LIMCH1: variants seen among roughly 807,000 people sequenced by gnomAD.
LIMCH1 encodes LIM and calponin homology domains-containing protein 1.
In LIMCH1, 113 loss-of-function variants were observed where a neutral mutation model predicts 176.5. That is an observed-to-expected ratio of 0.64 (90% CI 0.55 to 0.75). LIMCH1 has a LOEUF of 0.75. Among genes scored for constraint, LIMCH1 ranks in the 30% least tolerant of loss-of-function variants. The pLI is 0.00. For synonymous variants in LIMCH1, 619 were observed against 645.9 expected (o/e 0.96, Z 0.63); for missense variants, 1,674 against 1,814.9 (o/e 0.92, Z 1.41).
intron 1 of LIMCH1, among the ~76,000 whole-genome samples, chr4:41,565,380 C>CAT (rs1561769801): frequency 1.4e-5 from 2 of 141,542 alleles, no homozygotes; most frequent in African/African-American, 6.0e-5. Flanking sequence ...CACACACACA[C>CAT]ACATACACAC....
chr4:41,623,858 A>G (rs1438951114), intron 7 of LIMCH1, among the ~76,000 whole-genome samples: 1 of 152,254 alleles, frequency 6.6e-6, no homozygotes, highest in African/African-American at 2.4e-5. Context: ...GTCAAACAAT[A>G]TATTAGCGGT....
chr4:41,427,231 C>G (rs538281228), intron 1 of LIMCH1, among the ~76,000 whole-genome samples: 1 of 152,248 alleles, frequency 6.6e-6, no homozygotes, highest in Non-Finnish European at 1.5e-5. Flanking sequence ...CCCACCCCTT[C>G]CCTCTCTCCA....
At chr4:41,625,305 CAA>C (rs2092872949) in intron 7 of LIMCH1, among the ~76,000 whole-genome samples, 1 of 151,898 alleles carries the variant, frequency 6.6e-6, no homozygotes, top group Admixed American at 6.6e-5. Context: ...AAAACAGACC[CAA>C]GTTTCACAAA....
chr4:41,424,665 G>A lies in LIMCH1; in HGVS notation c.96+63729G>A, dbSNP rs1282988535. On this transcript the variant is annotated intron_variant, in intron 1 of 26. Transcript: ENST00000313860. ...GCAGCTGCAAGTCAGTTCAGGTCAG[G>A]TTTTGTCACTAATTGAGTTTTCACC... Among the ~76,000 whole-genome samples the A allele has an allele frequency of 2.6e-5, 4 of 152,200 alleles. No homozygotes were observed. In the East Asian group the frequency reaches 7.7e-4, roughly 29 times the overall value.
chr4:41,406,757 A>G (rs1411123528), intron 1 of LIMCH1, among the ~76,000 whole-genome samples: 2 of 152,208 alleles, frequency 1.3e-5, no homozygotes, highest in African/African-American at 4.8e-5. Context: ...TGCCTGGGTA[A>G]TCAGACCTTC....
intron 31 of LIMCH1, among the ~76,000 whole-genome samples, chr4:41,694,541 T>TGATAAAACCAATGATAAAAA (rs1728940213): frequency 6.6e-6 from 1 of 152,206 alleles, no homozygotes; most frequent in Admixed American, 6.5e-5. Context: ...TAATGATATA[T>TGATAAAACCAATGATAAAAA]CTTGGTAACT....
intron 18 of LIMCH1, among the ~76,000 whole-genome samples, chr4:41,657,742 A>T (rs1300947664): frequency 6.6e-6 from 1 of 152,122 alleles, no homozygotes; most frequent in Non-Finnish European, 1.5e-5. Context: ...TAAGTGCATA[A>T]TATTTATTTA....
At chr4:41,602,782 G>A (rs867311353) in intron 2 of LIMCH1, among the ~76,000 whole-genome samples, 5 of 151,830 alleles carry the variant, frequency 3.3e-5, no homozygotes, top group Middle Eastern at 3.2e-3. Context: ...CACTCCAGCC[G>A]GGCGACAGAG....
chr4:41,464,592 T>C (rs2065849663), intron 1 of LIMCH1, among the ~76,000 whole-genome samples: 1 of 151,932 alleles, frequency 6.6e-6, no homozygotes, highest in African/African-American at 2.4e-5. Flanking sequence ...GTTGGGCTGG[T>C]CTCAAACTCC....
chr4:41,629,870 T>C, intron 9 of LIMCH1, 136 bp downstream of exon 9: 1 of 1,033,566 alleles, frequency 9.7e-7, no homozygotes. Context: ...TATAGTGGCT[T>C]GATCACAGTT....
At chr4:41,527,411 G>T (rs1406547151) in intron 3 of LIMCH1, among the ~76,000 whole-genome samples, 1 of 152,222 alleles carries the variant, frequency 6.6e-6, no homozygotes, top group African/African-American at 2.4e-5. Context: ...AATGATGTTA[G>T]ATGTCCTGGT....
chr4:41,360,026 GGTGT>G (rs35179191), upstream of LIMCH1, among the ~76,000 whole-genome samples: 24,261 of 145,728 alleles, frequency 0.17, 2,255 homozygotes, highest in South Asian at 0.27. The surrounding 1 kb of genome is among the most constrained non-coding windows in gnomAD (Gnocchi z 4.5). Flanking sequence ...GGGTGTGTAG[GGTGT>G]GTGTGTGTGT....
intron 1 of LIMCH1, among the ~76,000 whole-genome samples, chr4:41,397,978 C>T (rs1326740987): frequency 6.6e-6 from 1 of 151,734 alleles, no homozygotes; most frequent in African/African-American, 2.4e-5. Context: ...AATGATTGTA[C>T]CCTGCTCTTT....
At position 41,629,569 on chromosome 4, in the gene LIMCH1, G is replaced by A; in HGVS notation, c.1106G>A (p.Gly369Glu). 2 of 1,536,094 alleles carry A rather than the reference G, an allele frequency of 1.3e-6. No homozygotes were observed. The highest frequency in any genetic ancestry group is 3.3e-4 in the Middle Eastern group (2 of 5,990). The change falls in exon 9 of 32, where the codon GGA becomes GAA. Residue 369 changes from glycine (G) to glutamate (E), a missense_variant. Around this residue, in one of 3 missense-constraint regions of LIMCH1, gnomAD observed 655 missense variants for 692.2 expected, o/e 0.95. Coordinates refer to ENST00000503057, the MANE Select transcript of LIMCH1 (RefSeq NM_001330672.2). ...MRAQESEPVEGGLRKVPDLHK... is the reference protein window; with the variant it reads ...MRAQESEPVEEGLRKVPDLHK... ...GCTCAGGAAAGTGAACCTGTGGAAG[G>A]AGGACTCAGGAAGGTGCCAGATCTT...
At position 41,665,583 on chromosome 4, in the gene LIMCH1, G is replaced by A. The variant is rs2094793802; in HGVS notation, c.3292-978G>A. On this transcript the variant is annotated intron_variant, in intron 20 of 31. Coordinates refer to ENST00000503057, the MANE Select transcript of LIMCH1 (RefSeq NM_001330672.2). ...GCATATGATGAAACAAGTGCTCTGT[G>A]GTCTCACTCGCCCTGAGGTCATTGA... Among the ~76,000 whole-genome samples, 3 of 151,994 alleles carry A rather than the reference G, an allele frequency of 2.0e-5. 1 individual carries two copies.
intron 1 of LIMCH1, among the ~76,000 whole-genome samples, chr4:41,477,408 A>C (rs147008320): frequency 6.6e-6 from 1 of 152,124 alleles, no homozygotes; most frequent in Non-Finnish European, 1.5e-5. Context: ...TGTTCCCCCC[A>C]CCATGACAAC....
chr4:41,560,320 G>C (rs1490847428), intron 1 of LIMCH1, among the ~76,000 whole-genome samples: 1 of 152,112 alleles, frequency 6.6e-6, no homozygotes, highest in Admixed American at 6.6e-5. Flanking sequence ...TGGGGATTCT[G>C]TGACTCTCCT....
At chr4:41,496,127 A>G (rs912046648) in intron 2 of LIMCH1, among the ~76,000 whole-genome samples, 22 of 152,232 alleles carry the variant, frequency 1.4e-4, no homozygotes, top group Admixed American at 5.2e-4. Flanking sequence ...CAGACTAGCC[A>G]AAATCTGATC....
At chr4:41,664,359 C>T (rs923704197) in intron 20 of LIMCH1, among the ~76,000 whole-genome samples, 5 of 152,338 alleles carry the variant, frequency 3.3e-5, no homozygotes, top group African/African-American at 1.2e-4. Context: ...CAACAGTGAA[C>T]ATGATGCACT....
Sources: gnomAD v4.1 joint callset for allele counts (sites outside exome capture counted in the v4.1 genomes callset) on GRCh38, gnomAD v4.1.1 for gene constraint, gnomAD v4.1.1 regional missense constraint, Gnocchi (gnomAD v3.1) non-coding constraint, MANE v1.5 for transcripts, NCBI Gene and HGNC (gene_info 2026-07-23, HGNC 2026-07-21) for gene names.